The following KCNMB4 variants were observed in gnomAD, a reference collection of about 807,000 sequenced individuals.
KCNMB4 encodes potassium calcium-activated channel subfamily M regulatory beta subunit 4, also known as calcium-activated potassium channel subunit beta-4.
KCNMB4 carries 3 observed loss-of-function variants against 20.7 expected under a neutral mutation model. The observed-to-expected ratio is 0.14, with a 90% CI of 0.07 to 0.37. KCNMB4 has a LOEUF of 0.37. Ranked by LOEUF, KCNMB4 falls within the 10% of genes least tolerant of loss-of-function variation. The pLI is 1.00. For missense variants in KCNMB4, 168 were observed against 265.9 expected (o/e 0.63, Z 2.56); for synonymous variants, 110 against 113.4 (o/e 0.97, Z 0.19).
intron 2 of KCNMB4, among the ~76,000 whole-genome samples, chr12:70,426,063 G>T (rs946228056): frequency 5.9e-5 from 9 of 152,012 alleles, no homozygotes; most frequent in Non-Finnish European, 1.0e-4. Context: ...GGGAGGCTGA[G>T]GCGGGTGGAT....
intron 1 of KCNMB4, among the ~76,000 whole-genome samples, chr12:70,369,551 T>C (rs1883555149): frequency 6.6e-6 from 1 of 152,238 alleles, no homozygotes; most frequent in African/African-American, 2.4e-5. Flanking sequence ...TCCAGGCTTT[T>C]CTTCATGACC....
rs376288820 is a variant in KCNMB4 at position 70,432,030 on chromosome 12, C to CTTTTTTTTT, written c.*1387_*1395dup. 20 of 127,950 alleles carry CTTTTTTTTT rather than the reference C, an allele frequency of 1.6e-4. No homozygotes were observed. Among genetic ancestry groups the CTTTTTTTTT allele is most frequent in the South Asian group, 2.6e-4 (1 of 3,886 alleles). The allele number at this position is 127,950 out of a possible 1,614,324, so 7.9% of individuals were successfully genotyped here. A position where few individuals can be genotyped will look rare whatever the true frequency, so the allele number is the denominator to read the frequency against. On this transcript the variant is annotated 3_prime_UTR_variant, in exon 3 of 3. Transcript: ENST00000258111. ...TCCACATACCAATGTTTTCTTTTTTCTTTTTTTTTTTTTTTTTTGAGATGG... is the reference window on the plus strand; with the variant it reads ...TCCACATACCAATGTTTTCTTTTTTCTTTTTTTTTTTTTTTTTTTTTTTTTTTGAGATGG...
At chr12:70,384,873 CAAAAAAAAAAA>C (rs57306622) in intron 1 of KCNMB4, among the ~76,000 whole-genome samples, 4 of 74,328 alleles carry the variant, frequency 5.4e-5, no homozygotes, top group African/African-American at 1.5e-4. Context: ...GACCCTGTCT[CAAAAAAAAAAA>C]AAAAAAAAAA....
chr12:70,417,554 T>A (rs553862761), intron 2 of KCNMB4, among the ~76,000 whole-genome samples: 23 of 152,332 alleles, frequency 1.5e-4, no homozygotes, highest in African/African-American at 5.1e-4. Flanking sequence ...TGATCATTCA[T>A]TCTTGGAAAT....
chr12:70,379,869 T>C (rs1038505209), intron 1 of KCNMB4, among the ~76,000 whole-genome samples: 1 of 152,230 alleles, frequency 6.6e-6, no homozygotes. Flanking sequence ...AGAAATGTTG[T>C]GGCTGGTTTG....
At chr12:70,413,830 A>G (rs1210143387) in intron 2 of KCNMB4, among the ~76,000 whole-genome samples, 3 of 152,204 alleles carry the variant, frequency 2.0e-5, no homozygotes, top group African/African-American at 7.2e-5. Flanking sequence ...GGAAATACCT[A>G]AAATAGGCAA....
chr12:70,400,405 C>T (rs527452959), intron 2 of KCNMB4, 69 bp downstream of exon 2: 14 of 1,479,792 alleles, frequency 9.5e-6, no homozygotes, highest in African/African-American at 4.2e-5. Flanking sequence ...ACTGTTATAT[C>T]GTAGATTATG....
At chr12:70,384,269 C>G (rs764865007) in intron 1 of KCNMB4, among the ~76,000 whole-genome samples, 1 of 152,120 alleles carries the variant, frequency 6.6e-6, no homozygotes, top group African/African-American at 2.4e-5. Flanking sequence ...TTTTGACCAC[C>G]TGTAGCTTCT....
chr12:70,380,395 G>C (rs1883762146), intron 1 of KCNMB4, among the ~76,000 whole-genome samples: 1 of 152,140 alleles, frequency 6.6e-6, no homozygotes, highest in Non-Finnish European at 1.5e-5. Flanking sequence ...TGAAAAGTTT[G>C]AAATACTGTG....
At chr12:70,421,169 G>A (rs1869043024) in intron 2 of KCNMB4, among the ~76,000 whole-genome samples, 2 of 152,004 alleles carry the variant, frequency 1.3e-5, no homozygotes, top group African/African-American at 4.8e-5. Context: ...TAGATTTGAG[G>A]TCACCTATGC....
chr12:70,421,267 G>A (rs1260083679), intron 2 of KCNMB4, among the ~76,000 whole-genome samples: 1 of 151,634 alleles, frequency 6.6e-6, no homozygotes, highest in Non-Finnish European at 1.5e-5. Flanking sequence ...CAAAGTTGGA[G>A]GATTGCTTGA....
intron 2 of KCNMB4, among the ~76,000 whole-genome samples, chr12:70,415,385 A>G (rs1270878034): frequency 5.3e-5 from 8 of 152,232 alleles, no homozygotes; most frequent in Non-Finnish European, 7.3e-5. Context: ...GGCATTAATT[A>G]GACTCACAAT....
At chr12:70,406,567 C>A (rs543901599) in intron 2 of KCNMB4, among the ~76,000 whole-genome samples, 33 of 152,312 alleles carry the variant, frequency 2.2e-4, no homozygotes, top group African/African-American at 7.9e-4. Flanking sequence ...GAACCCACTG[C>A]TGTGTGAATC....
intron 2 of KCNMB4, among the ~76,000 whole-genome samples, chr12:70,421,160 A>G (rs1869042710): frequency 6.6e-6 from 1 of 152,032 alleles, no homozygotes; most frequent in Non-Finnish European, 1.5e-5. Flanking sequence ...GACTTGGACT[A>G]GATTTGAGGT....
chr12:70,393,034 C>T (rs995672936), intron 1 of KCNMB4, among the ~76,000 whole-genome samples: 3 of 151,932 alleles, frequency 2.0e-5, no homozygotes, highest in Non-Finnish European at 4.4e-5. Flanking sequence ...ATTTTAAATT[C>T]TGATCAGGAG....
chr12:70,429,666 CAAAAAAA>C (rs11320039), intron 2 of KCNMB4, among the ~76,000 whole-genome samples: 6 of 117,190 alleles, frequency 5.1e-5, no homozygotes, highest in African/African-American at 1.6e-4. Context: ...GACTCCATCT[CAAAAAAA>C]AAAAAAAAAA....
rs781553607 is a variant in KCNMB4 at position 70,377,117 on chromosome 12, G to T, written c.336+10047G>T. 2.2e-4 allele frequency among the ~76,000 whole-genome samples: 33 copies of T among 152,100 alleles called. 1 individual carries two copies. Among genetic ancestry groups the T allele is most frequent in the Non-Finnish European group, 4.1e-4 (28 of 68,010 alleles). ...ATCTACAGATTCATTACAGTCTCTA[G>T]CAAAACCCCAGCTGGATTAGTTATT... is the stretch of plus-strand genomic sequence containing the variant. On this transcript the variant is annotated intron_variant, in intron 1 of 2. Coordinates refer to ENST00000258111, the MANE Select transcript of KCNMB4 (RefSeq NM_014505.6).
At chr12:70,371,415 G>T (rs112110541) in intron 1 of KCNMB4, among the ~76,000 whole-genome samples, 14 of 152,174 alleles carry the variant, frequency 9.2e-5, no homozygotes, top group Non-Finnish European at 1.9e-4. Context: ...CCCTGTCCCA[G>T]TGCACTGTAG....
At chr12:70,381,546 G>A (rs1691580) in intron 1 of KCNMB4, among the ~76,000 whole-genome samples, 66,434 of 152,018 alleles carry the variant, frequency 0.44, 16,532 homozygotes, top group African/African-American at 0.67. Context: ...TTACTTGGCT[G>A]TAAAAAGAAT....
Sources: allele counts gnomAD v4.1 joint callset (sites outside exome capture counted in the v4.1 genomes callset), GRCh38; gene constraint gnomAD v4.1.1; transcripts MANE v1.5; gene names NCBI Gene and HGNC (gene_info 2026-07-23, HGNC 2026-07-21).